Variants in DUS2 observed in about 807,000 individuals in gnomAD.
The protein encoded by DUS2 is dihydrouridine synthase 2, also known as tRNA-dihydrouridine(20) synthase [NAD(P)+]-like.
A neutral mutation model predicts 71.3 loss-of-function variants in DUS2; 52 were observed. The ratio of observed to expected loss-of-function variants is 0.73; its 90% CI spans 0.58 to 0.92. DUS2 has a LOEUF of 0.92. Among genes scored for constraint, DUS2 ranks in the 40% least tolerant of loss-of-function variants. The pLI is 0.00. For synonymous variants in DUS2, 204 were observed against 227.8 expected, an observed-to-expected ratio of 0.90 and a Z score of 0.94; for missense variants, 558 against 622.6, an observed-to-expected ratio of 0.90 and a Z score of 1.10.
chr16:68,023,614 G>A, intron 1 of DUS2: 1 of 199,698 alleles, frequency 5.0e-6, no homozygotes, highest in Middle Eastern at 2.5e-3. Context: ...TCCCTGCGCA[G>A]GGTCTGGTAA....
chr16:68,045,725 C>A (rs1236584902), intron 3 of DUS2, among the ~76,000 whole-genome samples: 1 of 133,128 alleles, frequency 7.5e-6, no homozygotes. Flanking sequence ...ACTTTCTTTT[C>A]TTTTTTTTTT....
chr16:68,031,437 A>G, intron 2 of DUS2, among the ~76,000 whole-genome samples: 1 of 152,172 alleles, frequency 6.6e-6, no homozygotes, highest in East Asian at 1.9e-4. Context: ...TGCTAGGATT[A>G]CAGGCATGAG....
At chr16:68,063,464 A>G (rs1232162898) in intron 8 of DUS2, among the ~76,000 whole-genome samples, 3 of 152,236 alleles carry the variant, frequency 2.0e-5, no homozygotes, top group Non-Finnish European at 4.4e-5. Flanking sequence ...AATACATAAC[A>G]TTGGTGGTTG....
rs145671754 is a variant in DUS2, at chr16:68,025,951, C to G, written c.-19+457C>G. Among the ~76,000 whole-genome samples the G allele has an allele frequency of 4.6e-5, 7 of 152,234 alleles. No homozygotes were observed. In the East Asian group the frequency reaches 1.3e-3, roughly 29 times the overall value. On this transcript the variant is annotated intron_variant, in intron 2 of 16. Coordinates refer to ENST00000565263, the MANE Select transcript of DUS2 (RefSeq NM_017803.5). ...CAGGCATTGGTAGTGAGGAAAACAGCCAAAATCCCTGCCCTTGTGGAGTTT... is the reference window on the plus strand; with the variant it reads ...CAGGCATTGGTAGTGAGGAAAACAGGCAAAATCCCTGCCCTTGTGGAGTTT...
intron 3 of DUS2, among the ~76,000 whole-genome samples, chr16:68,045,422 A>G (rs1359295009): frequency 6.6e-6 from 1 of 151,672 alleles, no homozygotes; most frequent in Non-Finnish European, 1.5e-5. Flanking sequence ...CCTGGCCAAC[A>G]CGATGAAACC....
At position 68,024,424 on chromosome 16, in the gene DUS2, A is replaced by G. The variant is rs528637775; in HGVS notation, c.-98-991A>G. ...GATACTTCTTGAACAGATCTGGAAA[A>G]TGGGTGTCAGATCTTTTCTGTAATT... On this transcript the variant is annotated intron_variant, in intron 1 of 16. Coordinates refer to ENST00000565263, the MANE Select transcript of DUS2 (RefSeq NM_017803.5). 2.0e-4 allele frequency among the ~76,000 whole-genome samples: 31 copies of G among 152,244 alleles called. 1 individual carries two copies. Among genetic ancestry groups the G allele is most frequent in the Admixed American group, 1.6e-3 (24 of 15,274 alleles).
At chr16:68,026,097 T>A (rs2033345008) in intron 2 of DUS2, among the ~76,000 whole-genome samples, 1 of 152,164 alleles carries the variant, frequency 6.6e-6, no homozygotes, top group South Asian at 2.1e-4. Context: ...TTCAAGTGAT[T>A]CTTCTGCCTC....
intron 2 of DUS2, among the ~76,000 whole-genome samples, chr16:68,033,485 TAAAA>T (rs1326954194): frequency 6.6e-6 from 1 of 151,696 alleles, no homozygotes; most frequent in Admixed American, 6.6e-5. Context: ...ATTTAAAAAT[TAAAA>T]AAAAATTTTT....
chr16:68,040,056 A>G (rs2033598583), intron 3 of DUS2, among the ~76,000 whole-genome samples: 1 of 151,558 alleles, frequency 6.6e-6, no homozygotes, highest in Non-Finnish European at 1.5e-5. Flanking sequence ...GGGTAAGGTC[A>G]GGGCTTGAAG....
rs1240132500 is a variant in DUS2 at position 68,070,177 on chromosome 16, A to G, written c.598A>G (p.Ile200Val). 1.2e-6 allele frequency: 2 copies of G among 1,614,130 alleles called. No individual in the cohort carries two copies. The highest frequency in any genetic ancestry group is 2.2e-5 in the East Asian group (1 of 44,862). ...TCAGCATCCTGTCAGCTGTGAAGTC[A>G]TCAAAGCCATTGCTGATACCCTCTC... is the stretch of plus-strand genomic sequence containing the variant. The part of the protein sequence containing the change: ...RPQHPVSCEV[I>V]KAIADTLSIP... Residue 200 changes from isoleucine to valine, a missense_variant, in exon 11 of 17, where the codon ATC (isoleucine) becomes GTC (valine). Transcript: ENST00000565263.
chr16:68,030,825 G>A (rs1390948075), intron 2 of DUS2, among the ~76,000 whole-genome samples: 2 of 151,682 alleles, frequency 1.3e-5, no homozygotes, highest in South Asian at 2.1e-4. Flanking sequence ...TCGAACTCTT[G>A]GACTCCCAAT....
chr16:68,051,984 C>T (rs915824277), intron 4 of DUS2, among the ~76,000 whole-genome samples: 2 of 151,892 alleles, frequency 1.3e-5, no homozygotes, highest in Non-Finnish European at 2.9e-5. Flanking sequence ...CTGCAACCTC[C>T]GCCTTCCCGG....
At chr16:68,071,678 C>G (rs1380556623) in intron 12 of DUS2, among the ~76,000 whole-genome samples, 1 of 142,848 alleles carries the variant, frequency 7.0e-6, no homozygotes, top group East Asian at 2.0e-4. Context: ...TGCTCTGTTG[C>G]CCAGGTGTGA....
intron 6 of DUS2, 131 bp from the exon 7 acceptor site, chr16:68,056,233 G>C (rs928683219): frequency 1.2e-5 from 8 of 662,856 alleles, no homozygotes; most frequent in Non-Finnish European, 2.0e-5. Context: ...TCTGTCATTG[G>C]GGGTTGGTGT....
chr16:68,052,443 G>A (rs935187858), intron 4 of DUS2, among the ~76,000 whole-genome samples: 6 of 152,106 alleles, frequency 3.9e-5, no homozygotes, highest in African/African-American at 1.2e-4. Context: ...TGATTTTGGG[G>A]TCACAAATAA....
At chr16:68,035,635 T>C (rs2033506583) in intron 2 of DUS2, among the ~76,000 whole-genome samples, 1 of 151,198 alleles carries the variant, frequency 6.6e-6, no homozygotes, top group Admixed American at 6.6e-5. Flanking sequence ...GCAATCCTCC[T>C]GCCTTGGCCT....
intron 15 of DUS2, 40 bp downstream of exon 15, chr16:68,076,759 G>A (rs1392189371): frequency 6.5e-7 from 1 of 1,543,834 alleles, no homozygotes; most frequent in Non-Finnish European, 9.0e-7. Flanking sequence ...GCCAGTCACA[G>A]CACTCCCATG....
chr16:68,035,744 A>T (rs1426772395), intron 2 of DUS2, among the ~76,000 whole-genome samples: 21 of 120,076 alleles, frequency 1.7e-4, no homozygotes, highest in Admixed American at 3.4e-4. Flanking sequence ...TGAGACATTT[A>T]CCCTCTGTTA....
At chr16:68,058,710 T>C (rs767180498) in intron 7 of DUS2, among the ~76,000 whole-genome samples, 31 of 152,316 alleles carry the variant, frequency 2.0e-4, no homozygotes, top group Middle Eastern at 6.8e-3. Context: ...CTAGTAACAT[T>C]GATTTCCTCT....
Sources: allele counts gnomAD v4.1 joint callset (sites outside exome capture counted in the v4.1 genomes callset), GRCh38; gene constraint gnomAD v4.1.1; transcripts MANE v1.5; gene names NCBI Gene and HGNC (gene_info 2026-07-23, HGNC 2026-07-21).